The following INTS9 variants were observed in gnomAD, a reference collection of about 807,000 sequenced individuals.
INTS9 encodes integrator complex subunit 9.
Under a neutral mutation model 79.7 loss-of-function variants are expected in INTS9, and 55 were observed. That is an observed-to-expected ratio of 0.69 (90% CI 0.56 to 0.86). The LOEUF is 0.86. INTS9 is among the 40% of genes least tolerant of loss of function. The pLI is 0.00. For synonymous variants in INTS9, 319 were observed against 325.2 expected, an observed-to-expected ratio of 0.98 and a Z score of 0.20; for missense variants, 721 against 831.5, an observed-to-expected ratio of 0.87 and a Z score of 1.64.
At chr8:28,794,011 G>A in intron 9 of INTS9, 24 bp from the exon 10 acceptor site, 3 of 1,501,672 alleles carry the variant, frequency 2.0e-6, no homozygotes, top group South Asian at 2.7e-5. Flanking sequence ...TGCCAGAGGA[G>A]AAAAAACATC....
chr8:28,773,812 A>G (rs1319248958), intron 14 of INTS9, among the ~76,000 whole-genome samples: 3 of 151,906 alleles, frequency 2.0e-5, no homozygotes, highest in African/African-American at 7.3e-5. Context: ...GGCATGAGCC[A>G]CCATGCCCAG....
At chr8:28,850,345 C>T (rs1184967382) in intron 2 of INTS9, 72 bp from the exon 3 acceptor site, 3 of 1,219,032 alleles carry the variant, frequency 2.5e-6, no homozygotes, top group Non-Finnish European at 3.6e-6. Context: ...TGGTAACTTA[C>T]TGTCTCCATA....
chr8:28,805,375 T>G (rs1177672062), intron 8 of INTS9, among the ~76,000 whole-genome samples: 2 of 152,210 alleles, frequency 1.3e-5, no homozygotes, highest in Non-Finnish European at 2.9e-5. Context: ...AAGACATTCT[T>G]AATAATTCAA....
At chr8:28,812,197 C>T (rs558047322) in intron 8 of INTS9, 130 bp downstream of exon 8, 2 of 915,454 alleles carry the variant, frequency 2.2e-6, no homozygotes, top group Admixed American at 2.4e-5. Context: ...AATAGTCTAC[C>T]TTGGCTAGAG....
chr8:28,881,859 C>T (rs1447820113), intron 1 of INTS9, among the ~76,000 whole-genome samples: 1 of 144,560 alleles, frequency 6.9e-6, no homozygotes, highest in Non-Finnish European at 1.5e-5. Flanking sequence ...CCCGGCCAGC[C>T]GCCCCATCCG....
At chr8:28,864,429 A>AAG (rs1184198933) in intron 1 of INTS9, among the ~76,000 whole-genome samples, 1 of 152,248 alleles carries the variant, frequency 6.6e-6, no homozygotes, top group Non-Finnish European at 1.5e-5. Flanking sequence ...AAGAAATGAG[A>AAG]TACAAGAAGG....
chr8:28,791,145 A>G (rs1439689502), intron 10 of INTS9, among the ~76,000 whole-genome samples: 1 of 152,098 alleles, frequency 6.6e-6, no homozygotes, highest in Non-Finnish European at 1.5e-5. Context: ...TAGAGACTGG[A>G]GTCTTCAGTC....
intron 14 of INTS9, 105 bp from the exon 15 acceptor site, chr8:28,771,185 TTAAAGG>T: frequency 3.2e-6 from 3 of 936,354 alleles, no homozygotes; most frequent in Non-Finnish European, 5.1e-6. Context: ...TGAAATAACT[TTAAAGG>T]TAAACAATTT....
intron 1 of INTS9, among the ~76,000 whole-genome samples, chr8:28,878,549 C>A (rs537405773): frequency 6.7e-6 from 1 of 150,214 alleles, no homozygotes; most frequent in Non-Finnish European, 1.5e-5. Flanking sequence ...CTCAAACTTG[C>A]GAGCTCAAGT....
intron 7 of INTS9, among the ~76,000 whole-genome samples, chr8:28,813,287 A>G (rs1055904691): frequency 2.6e-5 from 4 of 152,152 alleles, no homozygotes; most frequent in African/African-American, 4.8e-5. Flanking sequence ...ACGCTGGCCA[A>G]TCGAATGCTG....
chr8:28,870,557 C>T lies in INTS9; in HGVS notation c.10-10994G>A, dbSNP rs188605387. On this transcript the variant is annotated intron_variant, in intron 1 of 16. Coordinates refer to ENST00000521022, the MANE Select transcript of INTS9 (RefSeq NM_018250.4). Reference sequence around the variant, plus strand: ...AGAAGGGAGACTTATTAGTGTATGTCGGTTCAGGAGTAAGCTAAGAATTTA... The same window carrying T: ...AGAAGGGAGACTTATTAGTGTATGTTGGTTCAGGAGTAAGCTAAGAATTTA... Among the ~76,000 whole-genome samples, 6 of 152,140 alleles carry T rather than the reference C, an allele frequency of 3.9e-5. No individual in the cohort carries two copies. The East Asian group carries it at 1.2e-3, about 29-fold the overall frequency.
chr8:28,838,119 A>G (rs1214961094), intron 4 of INTS9, among the ~76,000 whole-genome samples: 2 of 151,944 alleles, frequency 1.3e-5, no homozygotes, highest in East Asian at 3.9e-4. Flanking sequence ...AAGCAGAGAG[A>G]GCAGCATACA....
In INTS9 at chr8:28,799,021, G is replaced by C. The variant is rs114345003; in HGVS notation, c.745-2366C>G. ...GATAAAAATATATAACACAGGTCAG[G>C]CTCAGTGGCTCACACCTGTAATCCC... On this transcript the variant is annotated intron_variant, in intron 8 of 16. Transcript: ENST00000521022. Among the ~76,000 whole-genome samples, 1,470 of 152,254 alleles carry C rather than the reference G, an allele frequency of 9.7e-3. 21 individuals carry two copies. Among genetic ancestry groups the C allele is most frequent in the African/African-American group, 0.034 (1,407 of 41,554 alleles).
At chr8:28,776,477 T>C (rs1432918936) in intron 13 of INTS9, among the ~76,000 whole-genome samples, 1 of 151,490 alleles carries the variant, frequency 6.6e-6, no homozygotes, top group Non-Finnish European at 1.5e-5. Flanking sequence ...TTTTGTTATC[T>C]TGAGAAAAAA....
intron 4 of INTS9, among the ~76,000 whole-genome samples, chr8:28,841,430 C>T (rs952618417): frequency 1.3e-5 from 2 of 152,184 alleles, no homozygotes; most frequent in African/African-American, 4.8e-5. Context: ...TGTACAGAAA[C>T]TGGGTGAGAA....
intron 10 of INTS9, among the ~76,000 whole-genome samples, chr8:28,789,142 G>T (rs1186467176): frequency 1.4e-4 from 22 of 152,184 alleles, no homozygotes; most frequent in Admixed American, 1.4e-3. Flanking sequence ...ATAGACACTA[G>T]TTCTGTCTTT....
chr8:28,776,503 T>C lies in INTS9; in HGVS notation c.1396-577A>G, dbSNP rs1001698073. Among the ~76,000 whole-genome samples the C allele has an allele frequency of 1.2e-4, 18 of 150,698 alleles. No homozygotes were observed. The East Asian group carries it at 1.6e-3, about 13-fold the overall frequency. On this transcript the variant is annotated intron_variant, in intron 13 of 16. Transcript: ENST00000521022. ...TGAGAAAAAAAGATTAGTAAACCAA[T>C]TTTTACTTTGCACAAATATCACCCA...
chr8:28,812,194 T>C lies in INTS9; in HGVS notation c.744+133A>G, dbSNP rs765526812. The C allele has an allele frequency of 7.2e-4, 635 of 878,642 alleles. 1 individual carries two copies. Among genetic ancestry groups the C allele is most frequent in the Non-Finnish European group, 1.1e-3 (603 of 568,580 alleles). 54.4% of individuals were successfully genotyped at this position (878,642 alleles called of 1,614,324 possible). ...TCAAAATGTTGAGACTCAAATAGTC[T>C]ACCTTGGCTAGAGAGTATCTGTAGA... is the stretch of plus-strand genomic sequence containing the variant. On this transcript the variant is annotated intron_variant, in intron 8 of 16. Transcript: ENST00000521022.
At chr8:28,826,057 G>A (rs1471324348) in intron 6 of INTS9, among the ~76,000 whole-genome samples, 1 of 152,170 alleles carries the variant, frequency 6.6e-6, no homozygotes, top group African/African-American at 2.4e-5. Flanking sequence ...GAAAGCATTT[G>A]TTTATACAGA....
Sources: allele counts gnomAD v4.1 joint callset (sites outside exome capture counted in the v4.1 genomes callset), GRCh38; gene constraint gnomAD v4.1.1; transcripts MANE v1.5; gene names NCBI Gene and HGNC (gene_info 2026-07-23, HGNC 2026-07-21).